OS9: variants seen among roughly 807,000 people sequenced by gnomAD.
OS9 encodes the protein protein OS-9.
OS9 carries 58 observed loss-of-function variants against 84.7 expected under a neutral mutation model. That is an observed-to-expected ratio of 0.68 (90% CI 0.55 to 0.85). The LOEUF is 0.85. OS9 is among the 40% of genes least tolerant of loss of function. The pLI is 0.00. For synonymous variants in OS9, 278 were observed against 320.8 expected (o/e 0.87, Z 1.43); for missense variants, 760 against 850.9 (o/e 0.89, Z 1.33).
In OS9 at chr12:57,696,367, G is replaced by A. The variant is rs1398517939; in HGVS notation, c.573G>A (p.Glu191=). 1 of 1,605,644 alleles carries A rather than the reference G, an allele frequency of 6.2e-7. No homozygotes were observed. The highest frequency in any genetic ancestry group is 8.5e-7 in the Non-Finnish European group (1 of 1,174,554). ...TTAATGGGAGGCCCCGGGAGGCCGA[G>A]GTTCGGGTGAGTCTTGAGAGAGGGA... The part of the protein sequence containing the change: ...CDLNGRPREA[E]VRFLCDEGAG... Residue 191 remains glutamate (E), a synonymous_variant, in exon 5 of 15, where the codon GAG becomes GAA. Transcript: ENST00000315970.
Position 57,715,902 on chromosome 12 carries a change from C to T in OS9, c.722C>T (p.Pro241Leu), listed in dbSNP as rs759385726. The T allele has an allele frequency of 5.3e-5, 85 of 1,613,406 alleles. 1 individual carries two copies. Among genetic ancestry groups the T allele is most frequent in the South Asian group, 2.5e-4 (23 of 90,952 alleles). Reference protein sequence around the residue: ...PLLRPPPSAAPQAILCHPSLQ... With the variant: ...PLLRPPPSAALQAILCHPSLQ... ...CTCCGGCCCCCACCCAGTGCTGCAC[C>T]GCAGGCCATCCTCTGTCACCCTTCC... The change falls in exon 6 of 15, where the codon CCG becomes CTG. Residue 241 changes from proline (P) to leucine (L), a missense_variant. Coordinates refer to ENST00000315970, the MANE Select transcript of OS9 (RefSeq NM_006812.4).
chr12:57,721,324 T>C lies in OS9; in HGVS notation c.*415T>C. The C allele has an allele frequency of 5.5e-6, 1 of 181,712 alleles. No homozygotes were observed. The highest frequency in any genetic ancestry group is 1.8e-4 in the East Asian group (1 of 5,666). The allele number at this position is 181,712 out of a possible 1,614,324, so 11.3% of individuals were successfully genotyped here. A position where few individuals can be genotyped will look rare whatever the true frequency, so the allele number is the denominator to read the frequency against. On this transcript the variant is annotated 3_prime_UTR_variant, in exon 15 of 15. Transcript: ENST00000315970. ...AGGCCCCCACCTGCCCTTAGTGATG[T>C]TTGGAGTCGTTTTACCCTCTTCTAT...
At chr12:57,719,525 CTT>C in intron 12 of OS9, 2 of 254,366 alleles carry the variant, frequency 7.9e-6, no homozygotes, top group Non-Finnish European at 7.5e-6. Context: ...CACTTTAGGA[CTT>C]TGCACCAAGA....
chr12:57,710,011 C>A (rs1954282455), intron 5 of OS9, among the ~76,000 whole-genome samples: 1 of 152,042 alleles, frequency 6.6e-6, no homozygotes, highest in African/African-American at 2.4e-5. Flanking sequence ...TGCCACCATG[C>A]CCAGCTAATT....
intron 10 of OS9, 66 bp from the exon 11 acceptor site, chr12:57,718,080 C>T (rs1043597878): frequency 9.6e-6 from 15 of 1,560,274 alleles, no homozygotes; most frequent in Non-Finnish European, 1.3e-5. Context: ...TACTGTTTGT[C>T]TGCCCCCGAC....
At chr12:57,701,262 ATTTTTTTTTTTTTTT>A (rs556973162) in intron 5 of OS9, among the ~76,000 whole-genome samples, 4 of 71,476 alleles carry the variant, frequency 5.6e-5, no homozygotes, top group South Asian at 6.3e-4. Flanking sequence ...TGGTTGAGTG[ATTTTTTTTTTTTTTT>A]TTTTTTTTTT....
chr12:57,698,363 T>A lies in OS9; in HGVS notation c.579+1990T>A, dbSNP rs115490656. Among the ~76,000 whole-genome samples the A allele has an allele frequency of 7.7e-4, 117 of 152,332 alleles. 2 individuals carry two copies. The highest frequency in any genetic ancestry group is 2.7e-3 in the African/African-American group (111 of 41,560). On this transcript the variant is annotated intron_variant, in intron 5 of 14. Coordinates refer to ENST00000315970, the MANE Select transcript of OS9 (RefSeq NM_006812.4). ...TTTGTATCTTCAGTAGGCCAAGAAC[T>A]GAGGTCAAGACTGCATAGCTTCCTC...
Position 57,720,536 on chromosome 12 carries a change from C to A in OS9, c.1878+18C>A. ...ATATCTTGGTAAGAGGCTTCTACCCCCGAGTCCTGGCCCCCAGCCCTCCTG... is the reference window on the plus strand; with the variant it reads ...ATATCTTGGTAAGAGGCTTCTACCCACGAGTCCTGGCCCCCAGCCCTCCTG... On this transcript the variant is annotated intron_variant, in intron 14 of 14. Coordinates refer to ENST00000315970, the MANE Select transcript of OS9 (RefSeq NM_006812.4). 1 of 1,548,004 alleles carries A rather than the reference C, an allele frequency of 6.5e-7. No homozygotes were observed. Among genetic ancestry groups the A allele is most frequent in the Non-Finnish European group, 8.9e-7 (1 of 1,119,610 alleles).
chr12:57,719,176 C>G lies in OS9; in HGVS notation c.1594C>G (p.Pro532Ala). The G allele has an allele frequency of 6.2e-7, 1 of 1,613,714 alleles. No individual in the cohort carries two copies. Among genetic ancestry groups the G allele is most frequent in the Non-Finnish European group, 8.5e-7 (1 of 1,179,782 alleles). Residue 532 changes from proline to alanine, a missense_variant, in exon 12 of 15, where the codon CCT (proline) becomes GCT (alanine). By Grantham distance (27) the Pro-to-Ala change is conservative. Transcript: ENST00000315970. ...VPKKPPPSPQ[P>A]TEEDPEHRVR... ...CAAAAAGCCTCCCCCATCACCCCAACCTACAGGTGAGAGCAGTCAGACAAG... is the reference window on the plus strand; with the variant it reads ...CAAAAAGCCTCCCCCATCACCCCAAGCTACAGGTGAGAGCAGTCAGACAAG...
chr12:57,717,982 G>A (rs1954555262), intron 10 of OS9, 24 bp downstream of exon 10: 1 of 1,583,904 alleles, frequency 6.3e-7, no homozygotes, highest in Non-Finnish European at 8.6e-7. Context: ...TTAGGGAATG[G>A]GTAGAACCCA....
At chr12:57,700,398 G>C (rs1953985989) in intron 5 of OS9, among the ~76,000 whole-genome samples, 1 of 151,770 alleles carries the variant, frequency 6.6e-6, no homozygotes, top group African/African-American at 2.4e-5. Flanking sequence ...GAAGGTCTAG[G>C]GTCGTAACTG....
chr12:57,720,612 C>A, intron 14 of OS9, 94 bp downstream of exon 14: 1 of 1,283,450 alleles, frequency 7.8e-7, no homozygotes, highest in Non-Finnish European at 1.1e-6. Flanking sequence ...GCTTCCATTT[C>A]CTGATCTGTA....
chr12:57,696,359 G>A lies in OS9; in HGVS notation c.565G>A (p.Glu189Lys). 6.3e-7 allele frequency: 1 copy of A among 1,595,404 alleles called. No individual in the cohort carries two copies. The highest frequency in any genetic ancestry group is 8.6e-7 in the Non-Finnish European group (1 of 1,168,026). The change falls in exon 5 of 15, where the codon GAG becomes AAG. Residue 189 changes from glutamate to lysine, a missense_variant. Transcript: ENST00000315970. ...GTGCGACCTTAATGGGAGGCCCCGGGAGGCCGAGGTTCGGGTGAGTCTTGA... is the reference window on the plus strand; with the variant it reads ...GTGCGACCTTAATGGGAGGCCCCGGAAGGCCGAGGTTCGGGTGAGTCTTGA... ...SKCDLNGRPR[E>K]AEVRFLCDEG... is the part of the protein sequence containing the mutation.
chr12:57,716,763 T>G lies in OS9; in HGVS notation c.1045+19T>G, dbSNP rs1211780768. 9 of 1,606,686 alleles carry G rather than the reference T, an allele frequency of 5.6e-6. No individual in the cohort carries two copies. Among genetic ancestry groups the G allele is most frequent in the Non-Finnish European group, 7.7e-6 (9 of 1,173,226 alleles). ...CCCAATGGTGAGTGAACCTTCCATG[T>G]CTCCTTTACTGAATATATTTTAGGA... On this transcript the variant is annotated intron_variant, in intron 9 of 14. Coordinates refer to ENST00000315970, the MANE Select transcript of OS9 (RefSeq NM_006812.4).
At chr12:57,705,346 C>T (rs1954135587) in intron 5 of OS9, among the ~76,000 whole-genome samples, 1 of 152,216 alleles carries the variant, frequency 6.6e-6, no homozygotes, top group Middle Eastern at 3.4e-3. Context: ...TTTCCATTTA[C>T]TTGTTGTCCT....
rs1953762809 is a variant in OS9, at chr12:57,694,463, G to A, written c.162+140G>A. ...AGGTATTGCTTTTACGGTGACCCCT[G>A]GGGGTCGCAGACTGAGACCAATTCT... On this transcript the variant is annotated intron_variant, in intron 1 of 14. Coordinates refer to ENST00000315970, the MANE Select transcript of OS9 (RefSeq NM_006812.4). The A allele has an allele frequency of 6.4e-6, 6 of 930,946 alleles. No homozygotes were observed. In the South Asian group the frequency reaches 6.6e-5, roughly 10 times the overall value. The allele number at this position is 930,946 out of a possible 1,614,324, so 57.7% of individuals were successfully genotyped here.
intron 5 of OS9, among the ~76,000 whole-genome samples, chr12:57,704,693 A>G (rs920934660): frequency 2.6e-5 from 4 of 152,148 alleles, no homozygotes; most frequent in East Asian, 1.9e-4. Context: ...CATTCTTTCT[A>G]TCTATACTTT....
intron 5 of OS9, among the ~76,000 whole-genome samples, chr12:57,706,120 C>A (rs180903349): frequency 6.6e-6 from 1 of 152,066 alleles, no homozygotes; most frequent in South Asian, 2.1e-4. Flanking sequence ...TCACTGTTAG[C>A]GTGATGTTTT....
intron 5 of OS9, among the ~76,000 whole-genome samples, chr12:57,708,412 G>GCCTC: frequency 6.6e-6 from 1 of 151,846 alleles, no homozygotes; most frequent in Non-Finnish European, 1.5e-5. Flanking sequence ...CAGGAGGATC[G>GCCTC]CTTGAGGCCA....
Sources: allele counts gnomAD v4.1 joint callset (sites outside exome capture counted in the v4.1 genomes callset), GRCh38; gene constraint gnomAD v4.1.1; transcripts MANE v1.5; gene names NCBI Gene and HGNC (gene_info 2026-07-23, HGNC 2026-07-21).